Variants in NLRP13 observed in about 807,000 individuals in gnomAD.
The protein encoded by NLRP13 is NACHT, LRR and PYD domains-containing protein 13.
In NLRP13, 82 loss-of-function variants were observed where a neutral mutation model predicts 94.4. The observed-to-expected ratio is 0.87, with a 90% CI of 0.73 to 1.04. The LOEUF (loss-of-function observed/expected upper bound fraction) is 1.04, where lower values mean the gene tolerates loss of function less well. Ranked by LOEUF, NLRP13 falls within the 50% of genes least tolerant of loss-of-function variation. NLRP13 has a pLI of 0.00. For synonymous variants in NLRP13, 553 were observed against 464.7 expected, an observed-to-expected ratio of 1.19 and a Z score of -2.45; for missense variants, 1,426 against 1,230.8, an observed-to-expected ratio of 1.16 and a Z score of -2.37.
Position 55,932,229 on chromosome 19 carries a change from T to A in NLRP13, c.83A>T (p.Gln28Leu), listed in dbSNP as rs776756164. 3 of 1,613,768 alleles carry A rather than the reference T, an allele frequency of 1.9e-6. No individual in the cohort carries two copies. The highest frequency in any genetic ancestry group is 1.7e-6 in the Non-Finnish European group (2 of 1,179,878). ...LPYLMALDQY[Q>L]LEEFKLCLEP... The stretch of plus-strand genomic sequence containing the variant: ...CAAGCAAAGCTTGAATTCCTCCAGC[T>A]GATACTGATCCAGGGCCATCAGGTA... The change falls in exon 1 of 11, where the codon CAG (glutamine) becomes CTG (leucine). Residue 28 changes from glutamine to leucine, a missense_variant. Coordinates refer to ENST00000342929, the MANE Select transcript of NLRP13 (RefSeq NM_176810.2).
intron 8 of NLRP13, among the ~76,000 whole-genome samples, chr19:55,903,311 G>A (rs192309414): frequency 2.6e-5 from 4 of 152,254 alleles, no homozygotes; most frequent in African/African-American, 9.6e-5. Context: ...GAGGGCCAGA[G>A]TCTGTGGTTC....
chr19:55,905,474 C>CATAT (rs759111702), intron 7 of NLRP13, among the ~76,000 whole-genome samples: 4 of 118,154 alleles, frequency 3.4e-5, no homozygotes, highest in African/African-American at 5.4e-5. Flanking sequence ...CACATATATA[C>CATAT]ATATATATAT....
intron 9 of NLRP13, among the ~76,000 whole-genome samples, chr19:55,899,753 C>T (rs1056099287): frequency 1.3e-5 from 2 of 152,126 alleles, no homozygotes; most frequent in African/African-American, 4.8e-5. Flanking sequence ...GTACTCCAGC[C>T]TGGGCGACAG....
chr19:55,925,861 G>T (rs2123145269), intron 1 of NLRP13, among the ~76,000 whole-genome samples: 1 of 152,184 alleles, frequency 6.6e-6, no homozygotes, highest in East Asian at 1.9e-4. Context: ...GATGTTCCAT[G>T]TTCCTTCAAA....
At chr19:55,905,157 A>G (rs1053788859) in intron 7 of NLRP13, 45 bp from the exon 8 acceptor site, 29 of 1,604,940 alleles carry the variant, frequency 1.8e-5, no homozygotes, top group Middle Eastern at 1.9e-4. Context: ...CATGATGCCC[A>G]GGTTCCTCTA....
intron 10 of NLRP13, 131 bp downstream of exon 10, chr19:55,898,639 C>T (rs921545490): frequency 2.0e-5 from 20 of 997,618 alleles, no homozygotes; most frequent in Non-Finnish European, 2.7e-5. Context: ...GCCACCACAC[C>T]TGGGTGAGAT....
intron 1 of NLRP13, among the ~76,000 whole-genome samples, chr19:55,930,884 A>ATATATACATATATATATACG (rs1568448823): frequency 1.7e-5 from 2 of 117,246 alleles, no homozygotes; most frequent in African/African-American, 7.1e-5. Flanking sequence ...TTATATATAT[A>ATATATACATATATATATACG]TATATATATA....
chr19:55,912,109 G>A lies in NLRP13; in HGVS notation c.1708C>T (p.Leu570=). Residue 570 remains leucine (L), a synonymous_variant, in exon 5 of 11, where the codon CTG becomes TTG. Transcript: ENST00000342929. ...TCTTTGTCAAGCAAGACGTGTTGCA[G>A]TAACATCTTCATCTCTTGTGGCTTT... The part of the protein sequence containing the change: ...STKPQEMKML[L]QHVLLDKEAY... 6.2e-7 allele frequency: 1 copy of A among 1,614,186 alleles called. No homozygotes were observed. The highest frequency in any genetic ancestry group is 8.5e-7 in the Non-Finnish European group (1 of 1,180,034).
At chr19:55,928,269 A>G (rs977257549) in intron 1 of NLRP13, among the ~76,000 whole-genome samples, 1 of 152,210 alleles carries the variant, frequency 6.6e-6, no homozygotes. Flanking sequence ...AATCAGCAAC[A>G]AGAAACAAAG....
intron 10 of NLRP13, 27 bp from the exon 11 acceptor site, chr19:55,896,146 A>C: frequency 6.2e-7 from 1 of 1,611,560 alleles, no homozygotes; most frequent in East Asian, 2.2e-5. Flanking sequence ...AGAAAGCACA[A>C]CAGATAGTCC....
chr19:55,919,641 A>G (rs1986763781), intron 4 of NLRP13, among the ~76,000 whole-genome samples: 1 of 152,064 alleles, frequency 6.6e-6, no homozygotes, highest in South Asian at 2.1e-4. Context: ...CCTAAGGAAT[A>G]TATTCAACCA....
chr19:55,896,906 A>T (rs1986032842), intron 10 of NLRP13, among the ~76,000 whole-genome samples: 1 of 151,734 alleles, frequency 6.6e-6, no homozygotes, highest in Non-Finnish European at 1.5e-5. Flanking sequence ...CATATAACTC[A>T]TCTAACCCAT....
intron 1 of NLRP13, among the ~76,000 whole-genome samples, chr19:55,926,967 A>G (rs528422092): frequency 7.2e-5 from 11 of 152,194 alleles, no homozygotes; most frequent in Admixed American, 4.6e-4. Context: ...GAGCCAATGG[A>G]TATCTATAGG....
chr19:55,899,792 A>T (rs1458917332), intron 9 of NLRP13, among the ~76,000 whole-genome samples: 1 of 152,136 alleles, frequency 6.6e-6, no homozygotes, highest in African/African-American at 2.4e-5. Flanking sequence ...AAAAATTTTG[A>T]CTACGTGAAG....
chr19:55,896,175 G>T lies in NLRP13; in HGVS notation c.2958-56C>A, dbSNP rs928130690. ...ATAGTCCTCTGAGACTGGGAAGTTAGAAAAGAGATACCACATCTGCAGGAA... is the reference window on the plus strand; with the variant it reads ...ATAGTCCTCTGAGACTGGGAAGTTATAAAAGAGATACCACATCTGCAGGAA... On this transcript the variant is annotated intron_variant, in intron 10 of 10. Transcript: ENST00000342929. The T allele has an allele frequency of 8.3e-6, 13 of 1,571,788 alleles. No individual in the cohort carries two copies. The African/African-American group carries it at 1.5e-4, about 18-fold the overall frequency.
At chr19:55,908,101 A>G (rs1287431965) in intron 6 of NLRP13, 145 bp from the exon 7 acceptor site, 3 of 692,722 alleles carry the variant, frequency 4.3e-6, no homozygotes, top group Non-Finnish European at 7.1e-6. Context: ...GGGCTGAGCC[A>G]TGGTACTGGA....
intron 10 of NLRP13, among the ~76,000 whole-genome samples, chr19:55,896,491 C>T (rs1439884893): frequency 1.5e-5 from 2 of 136,928 alleles, no homozygotes; most frequent in African/African-American, 2.8e-5. Context: ...CACTGCACTC[C>T]AGCCTGGCGA....
At chr19:55,923,789 C>T in intron 4 of NLRP13, 125 bp downstream of exon 4, 1 of 719,824 alleles carries the variant, frequency 1.4e-6, no homozygotes, top group East Asian at 2.6e-5. Flanking sequence ...TTGGGAAGAG[C>T]TTTTAATTTA....
At chr19:55,918,831 C>G (rs1305268490) in intron 4 of NLRP13, among the ~76,000 whole-genome samples, 1 of 151,986 alleles carries the variant, frequency 6.6e-6, no homozygotes, top group Non-Finnish European at 1.5e-5. Context: ...GAAACTGTTG[C>G]AGAAAAAGAT....
Sources: allele counts gnomAD v4.1 joint callset (sites outside exome capture counted in the v4.1 genomes callset), GRCh38; gene constraint gnomAD v4.1.1; transcripts MANE v1.5; gene names NCBI Gene and HGNC (gene_info 2026-07-23, HGNC 2026-07-21).